Variants in GLRA2 observed in about 807,000 individuals in gnomAD.
GLRA2 encodes the protein glycine receptor subunit alpha-2.
Under a neutral mutation model 31.6 loss-of-function variants are expected in GLRA2, and 11 were observed. The observed-to-expected ratio is 0.35, with a 90% CI of 0.22 to 0.58. GLRA2 has a LOEUF of 0.58. Among genes scored for constraint, GLRA2 ranks in the 20% least tolerant of loss-of-function variants. The pLI, the probability that GLRA2 is intolerant of heterozygous loss-of-function variation, is 0.84. For missense variants in GLRA2, 212 were observed against 351.8 expected, an observed-to-expected ratio of 0.60 and a Z score of 3.18; for synonymous variants, 132 against 134.0, an observed-to-expected ratio of 0.99 and a Z score of 0.10.
chrX:14,724,638 A>C (rs1208049258), intron 8 of GLRA2, among the ~76,000 whole-genome samples: 1 of 106,633 alleles, frequency 9.4e-6, no homozygotes, highest in Non-Finnish European at 1.9e-5. Context: ...AAAAAAAAAA[A>C]AAAAAAAAAA....
chrX:14,566,317 A>T (rs2089804656), intron 2 of GLRA2, among the ~76,000 whole-genome samples: 2 of 112,076 alleles, frequency 1.8e-5, no homozygotes, highest in Admixed American at 1.9e-4. Flanking sequence ...CCTCACAACA[A>T]AGAAAAGTTC....
chrX:14,647,434 C>T (rs2090843057), intron 7 of GLRA2, among the ~76,000 whole-genome samples: 4 of 111,544 alleles, frequency 3.6e-5, no homozygotes. Context: ...CCAAGCTCTA[C>T]TACCAGTGCT....
intron 7 of GLRA2, among the ~76,000 whole-genome samples, chrX:14,657,184 T>C (rs149011211): frequency 5.4e-5 from 6 of 111,958 alleles, no homozygotes; most frequent in African/African-American, 1.9e-4. Context: ...TATCAAAGCT[T>C]TAGAGCACTT....
chrX:14,501,277 T>G, the GLRA2 span, among the ~76,000 whole-genome samples: 2 of 111,633 alleles, frequency 1.8e-5, no homozygotes, highest in Non-Finnish European at 3.8e-5. Flanking sequence ...GGAAAGTGTA[T>G]TTAAACTTTT....
At chrX:14,616,916 C>T (rs768103706) in intron 7 of GLRA2, among the ~76,000 whole-genome samples, 1 of 111,648 alleles carries the variant, frequency 9.0e-6, no homozygotes, top group Non-Finnish European at 1.9e-5. Flanking sequence ...ATAAACTTTC[C>T]CTCCCGACAT....
chrX:14,613,463 T>A (rs1410047728), intron 7 of GLRA2, among the ~76,000 whole-genome samples: 2 of 110,816 alleles, frequency 1.8e-5, no homozygotes, highest in Non-Finnish European at 3.8e-5. Context: ...AAAATATTTT[T>A]AAAAAACAAA....
intron 8 of GLRA2, among the ~76,000 whole-genome samples, chrX:14,715,242 G>A (rs931253880): frequency 1.8e-5 from 2 of 112,328 alleles, no homozygotes; most frequent in Non-Finnish European, 3.8e-5. Context: ...TTCAAAAATA[G>A]AAAACCTCAG....
At chrX:14,725,805 T>C (rs886576075) in intron 8 of GLRA2, among the ~76,000 whole-genome samples, 1 of 112,109 alleles carries the variant, frequency 8.9e-6, no homozygotes, top group Non-Finnish European at 1.9e-5. Flanking sequence ...AATTAGATAA[T>C]AAATTTCAAG....
chrX:14,495,492 A>G, the GLRA2 span, among the ~76,000 whole-genome samples: 301 of 109,883 alleles, frequency 2.7e-3, no homozygotes, highest in African/African-American at 9.2e-3. Context: ...GTGGAGTGGA[A>G]GGGGGAAAGA....
intron 4 of GLRA2, among the ~76,000 whole-genome samples, chrX:14,582,640 G>T (rs1224014680): frequency 2.7e-5 from 3 of 111,704 alleles, no homozygotes; most frequent in Non-Finnish European, 5.6e-5. Flanking sequence ...TCGAAGCTTT[G>T]CCACTTACTA....
chrX:14,640,931 C>T (rs1002303369), intron 7 of GLRA2, among the ~76,000 whole-genome samples: 2 of 110,748 alleles, frequency 1.8e-5, no homozygotes, highest in Non-Finnish European at 3.8e-5. Context: ...TGCTTGACTC[C>T]AGTGTGTATT....
At chrX:14,710,832 C>T in intron 8 of GLRA2, among the ~76,000 whole-genome samples, 1 of 111,869 alleles carries the variant, frequency 8.9e-6, no homozygotes, top group Non-Finnish European at 1.9e-5. Context: ...TTTTTACACA[C>T]AGAGACTCCA....
chrX:14,530,244 A>T, intron 1 of GLRA2, 119 bp downstream of exon 1: 2 of 509,342 alleles, frequency 3.9e-6, no homozygotes, highest in Non-Finnish European at 6.6e-6. Flanking sequence ...GGAAAGTTAG[A>T]TATCTTTTGT....
intron 7 of GLRA2, among the ~76,000 whole-genome samples, chrX:14,686,770 A>G (rs184632958): frequency 1.1e-3 from 119 of 111,531 alleles, no homozygotes; most frequent in Non-Finnish European, 2.0e-3. Context: ...TCTTAATCCA[A>G]TTTGCCAGTC....
chrX:14,646,161 T>A (rs1437705874), intron 7 of GLRA2, among the ~76,000 whole-genome samples: 1 of 112,351 alleles, frequency 8.9e-6, no homozygotes, highest in Non-Finnish European at 1.9e-5. Flanking sequence ...GTGAAGACAC[T>A]GCTATTATAC....
chrX:14,606,120 A>G (rs3027386), intron 5 of GLRA2, among the ~76,000 whole-genome samples: 23,607 of 103,226 alleles, frequency 0.23, 2,291 homozygotes, highest in Non-Finnish European at 0.28. Flanking sequence ...GCGAGTCACT[A>G]TCTTGCAGTA....
chrX:14,469,629 A>G, the GLRA2 span, among the ~76,000 whole-genome samples: 5,156 of 96,510 alleles, frequency 0.053, 404 homozygotes, highest in African/African-American at 0.19. Flanking sequence ...CTCACTCATA[A>G]GTGGGAATTG....
intron 2 of GLRA2, among the ~76,000 whole-genome samples, chrX:14,565,353 C>A (rs181258117): frequency 9.0e-6 from 1 of 111,282 alleles, no homozygotes; most frequent in Non-Finnish European, 1.9e-5. Flanking sequence ...GATTTTAAGT[C>A]AAAAATTGTT....
chrX:14,624,492 C>T (rs1266183406), intron 7 of GLRA2, among the ~76,000 whole-genome samples: 1 of 111,846 alleles, frequency 8.9e-6, no homozygotes. Flanking sequence ...GCATTTAGTG[C>T]TATAAATTTC....
Sources: allele counts gnomAD v4.1 joint callset (sites outside exome capture counted in the v4.1 genomes callset), GRCh38; gene constraint gnomAD v4.1.1; transcripts MANE v1.5; gene names NCBI Gene and HGNC (gene_info 2026-07-23, HGNC 2026-07-21).